PRKX: variants seen among roughly 807,000 people sequenced by gnomAD.
PRKX encodes cAMP-dependent protein kinase catalytic subunit PRKX.
A neutral mutation model predicts 22.0 loss-of-function variants in PRKX; 12 were observed. The observed-to-expected ratio is 0.54, with a 90% confidence interval of 0.35 to 0.88. PRKX has a LOEUF of 0.88. PRKX is among the 40% of genes least tolerant of loss of function. The pLI, the probability that PRKX is intolerant of heterozygous loss-of-function variation, is 0.01. For missense variants in PRKX, 217 were observed against 308.0 expected, an observed-to-expected ratio of 0.70 and a Z score of 2.21; for synonymous variants, 134 against 137.7, an observed-to-expected ratio of 0.97 and a Z score of 0.19.
At chrX:3,677,327 C>T (rs202150116) in intron 1 of PRKX, among the ~76,000 whole-genome samples, 5 of 90,640 alleles carry the variant, frequency 5.5e-5, no homozygotes, top group African/African-American at 4.1e-5. Flanking sequence ...ATTGTTTTGT[C>T]TTTTTTTTTT....
At position 3,615,837 on chromosome X, in the gene PRKX, G is replaced by T. The variant is rs1348780302; in HGVS notation, c.929C>A (p.Ala310Asp). ...HRWFRSVDWE[A>D]VPQRKLKPPI... ...TACCTTCAGTTTTCTCTGCGGAACA[G>T]CTTCCCAGTCCACGGAGCGGAACCA... Residue 310 changes from alanine (A) to aspartate (D), a missense_variant, in exon 7 of 9, where the codon GCT becomes GAT. Ala to Asp is a moderately radical substitution (Grantham distance 126). Transcript: ENST00000262848. The T allele has an allele frequency of 8.3e-7, 1 of 1,207,071 alleles. No homozygotes were observed. Among genetic ancestry groups the T allele is most frequent in the Non-Finnish European group, 1.1e-6 (1 of 892,935 alleles).
At chrX:3,664,931 C>T in intron 2 of PRKX, among the ~76,000 whole-genome samples, 1 of 112,256 alleles carries the variant, frequency 8.9e-6, no homozygotes, top group South Asian at 3.7e-4. Context: ...CATCCATGTA[C>T]CAAACGTCCA....
intron 1 of PRKX, among the ~76,000 whole-genome samples, chrX:3,699,943 T>C (rs1928523355): frequency 1.8e-5 from 2 of 111,505 alleles, no homozygotes; most frequent in Non-Finnish European, 3.8e-5. Context: ...CTGTGGCTTT[T>C]TGGGTGAAGA....
At chrX:3,699,148 T>C (rs1223728222) in intron 1 of PRKX, among the ~76,000 whole-genome samples, 1 of 106,191 alleles carries the variant, frequency 9.4e-6, no homozygotes, top group East Asian at 3.0e-4. Context: ...GCAATTCTCC[T>C]GCCTCAGCTT....
intron 1 of PRKX, among the ~76,000 whole-genome samples, chrX:3,705,770 T>C (rs1928669271): frequency 9.4e-6 from 1 of 106,277 alleles, no homozygotes; most frequent in Non-Finnish European, 1.9e-5. Flanking sequence ...CACTGCAAGC[T>C]CCACCTCCCG....
At chrX:3,711,316 A>G (rs1310609767) in intron 1 of PRKX, among the ~76,000 whole-genome samples, 2 of 110,732 alleles carry the variant, frequency 1.8e-5, no homozygotes, top group African/African-American at 6.6e-5. Context: ...CTGGACTGAA[A>G]AAAAAAGCTG....
At chrX:3,629,409 G>GTT (rs1357604444) in intron 4 of PRKX, among the ~76,000 whole-genome samples, 1 of 106,427 alleles carries the variant, frequency 9.4e-6, no homozygotes, top group African/African-American at 3.4e-5. Flanking sequence ...CCACGCCAGG[G>GTT]TTTTGTTTTT....
intron 1 of PRKX, among the ~76,000 whole-genome samples, chrX:3,693,461 C>G (rs926742937): frequency 9.0e-6 from 1 of 110,866 alleles, no homozygotes; most frequent in East Asian, 2.9e-4. Flanking sequence ...CCGACTTAGG[C>G]AAGGTGTGCA....
At chrX:3,631,801 A>G (rs1438763378) in intron 4 of PRKX, among the ~76,000 whole-genome samples, 2 of 111,830 alleles carry the variant, frequency 1.8e-5, no homozygotes, top group Admixed American at 9.5e-5. Flanking sequence ...GCCCCCAGGA[A>G]CTGGGAGAGG....
At position 3,701,525 on chromosome X, in the gene PRKX, G is replaced by A. The variant is rs7881999; in HGVS notation, c.166+11563C>T. 8.0e-3 allele frequency among the ~76,000 whole-genome samples: 901 copies of A among 112,354 alleles called. 7 individuals are homozygous for A. The highest frequency in any genetic ancestry group is 0.027 in the African/African-American group (849 of 30,984). ...GAATCTCATCCAAGCTGGATTTTGC[G>A]ATCTTTGAAGAATAATTCCCTATGA... On this transcript the variant is annotated intron_variant, in intron 1 of 8. Coordinates refer to ENST00000262848, the MANE Select transcript of PRKX (RefSeq NM_005044.5).
At chrX:3,611,466 T>C (rs868861722) in intron 8 of PRKX, 9 of 112,397 alleles carry the variant, frequency 8.0e-5, no homozygotes, top group South Asian at 3.7e-4. Flanking sequence ...AAAGATCTAA[T>C]TGAAGCCATA....
intron 1 of PRKX, among the ~76,000 whole-genome samples, chrX:3,688,244 G>A (rs1205935591): frequency 2.9e-5 from 3 of 104,594 alleles, no homozygotes; most frequent in Admixed American, 1.0e-4. Flanking sequence ...CCAAGAGTTC[G>A]AGACCAGCCC....
In PRKX at chrX:3,607,429, G is replaced by C. The variant is rs956175801; in HGVS notation, c.*1540C>G. 2.7e-5 allele frequency: 3 copies of C among 111,587 alleles called. No homozygotes were observed. The highest frequency in any genetic ancestry group is 9.8e-5 in the African/African-American group (3 of 30,656). 9.2% of individuals were successfully genotyped at this position (111,587 alleles called of 1,213,427 possible). A position where few individuals can be genotyped will look rare whatever the true frequency, so the allele number is the denominator to read the frequency against. ...AAACCGCACGCTAAATGTTTAGGCA[G>C]CGATGGCCCTCAACTGTTAATCCCA... On this transcript the variant is annotated 3_prime_UTR_variant, in exon 9 of 9. Coordinates refer to ENST00000262848, the MANE Select transcript of PRKX (RefSeq NM_005044.5).
At chrX:3,701,621 C>T (rs1405345861) in intron 1 of PRKX, among the ~76,000 whole-genome samples, 5 of 112,338 alleles carry the variant, frequency 4.5e-5, no homozygotes, top group South Asian at 3.7e-4. Flanking sequence ...TGAAGAGGAG[C>T]TGGGTAAAAT....
chrX:3,638,497 T>A (rs1311519470), intron 4 of PRKX, among the ~76,000 whole-genome samples: 5 of 111,476 alleles, frequency 4.5e-5, no homozygotes, highest in Non-Finnish European at 9.4e-5. Flanking sequence ...CGAAGGAAAA[T>A]GTGGTGCTTT....
At chrX:3,621,701 G>T (rs1926561350) in intron 5 of PRKX, among the ~76,000 whole-genome samples, 1 of 112,063 alleles carries the variant, frequency 8.9e-6, no homozygotes, top group Non-Finnish European at 1.9e-5. Flanking sequence ...ACACTCACGC[G>T]CTGTCCTGGG....
At chrX:3,710,849 AC>A (rs1238483863) in intron 1 of PRKX, among the ~76,000 whole-genome samples, 1 of 111,225 alleles carries the variant, frequency 9.0e-6, no homozygotes, top group South Asian at 3.8e-4. Context: ...TCCTGTAGTG[AC>A]AGTTTAGGAT....
At chrX:3,654,431 C>T (rs1927431830) in intron 3 of PRKX, among the ~76,000 whole-genome samples, 1 of 97,285 alleles carries the variant, frequency 1.0e-5, no homozygotes. Context: ...TGTGTGTGAG[C>T]AGGTGTGTAT....
chrX:3,684,722 T>C lies in PRKX; in HGVS notation c.167-9956A>G, dbSNP rs369975130. Among the ~76,000 whole-genome samples the C allele has an allele frequency of 2.7e-5, 3 of 111,512 alleles. No individual in the cohort carries two copies. The East Asian group carries it at 8.5e-4, about 32-fold the overall frequency. ...CAGGGCTGGTTCCTCCTGAGGCCTC[T>C]CTCCTAGGCTTGTCGATGCCATCTT... is the stretch of plus-strand genomic sequence containing the variant. On this transcript the variant is annotated intron_variant, in intron 1 of 8. Coordinates refer to ENST00000262848, the MANE Select transcript of PRKX (RefSeq NM_005044.5).
Sources: gnomAD v4.1 joint callset for allele counts (sites outside exome capture counted in the v4.1 genomes callset) on GRCh38, gnomAD v4.1.1 for gene constraint, MANE v1.5 for transcripts, NCBI Gene and HGNC (gene_info 2026-07-23, HGNC 2026-07-21) for gene names.